FRMPD4: variants seen among roughly 807,000 people sequenced by gnomAD.
FRMPD4 encodes the protein FERM and PDZ domain-containing protein 4.
A neutral mutation model predicts 94.1 loss-of-function variants in FRMPD4; 22 were observed. That is an observed-to-expected ratio of 0.23 (90% CI 0.17 to 0.33). FRMPD4 has a LOEUF of 0.33. FRMPD4 is among the 10% of genes least tolerant of loss of function. FRMPD4 has a pLI of 1.00. For missense variants in FRMPD4, 1,111 were observed against 1,339.9 expected (o/e 0.83, Z 2.67); for synonymous variants, 631 against 548.6 (o/e 1.15, Z -2.10).
In FRMPD4 at chrX:12,003,386, A is replaced by AGTGTGTGTGTGTGT. The variant is rs34756228; in HGVS notation, c.95+125385_95+125398dup. ...CCCATTAACTTAATTCAGTTTGGCA[A>AGTGTGTGTGTGTGT]GTGTGTGTGTGTGTGTGTGTGTGTG... On this transcript the variant is annotated intron_variant, in intron 3 of 18. Transcript: ENST00000640291. Among the ~76,000 whole-genome samples, 6 of 102,198 alleles carry AGTGTGTGTGTGTGT rather than the reference A, an allele frequency of 5.9e-5. No individual in the cohort carries two copies. The East Asian group carries it at 1.6e-3, about 26-fold the overall frequency. The allele number at this position is 102,198 out of a possible 115,157, so 88.7% of individuals were successfully genotyped here.
intron 1 of FRMPD4, among the ~76,000 whole-genome samples, chrX:11,829,968 T>G (rs1450755558): frequency 8.9e-6 from 1 of 112,000 alleles, no homozygotes; most frequent in Non-Finnish European, 1.9e-5. Context: ...AGAATCAGGT[T>G]GGTGAGGACT....
intron 1 of FRMPD4, among the ~76,000 whole-genome samples, chrX:12,177,401 A>G (rs891753951): frequency 8.9e-6 from 1 of 112,621 alleles, no homozygotes; most frequent in African/African-American, 3.2e-5. Context: ...AGAAAAATGC[A>G]AGAGATAATT....
At chrX:12,528,523 G>A (rs919081411) in intron 2 of FRMPD4, among the ~76,000 whole-genome samples, 8 of 109,671 alleles carry the variant, frequency 7.3e-5, no homozygotes, top group Non-Finnish European at 1.1e-4. Flanking sequence ...GTTTCACCAC[G>A]TTGGCCAGGC....
At chrX:12,581,648 C>G (rs756716194) in intron 2 of FRMPD4, among the ~76,000 whole-genome samples, 31 of 111,737 alleles carry the variant, frequency 2.8e-4, no homozygotes, top group African/African-American at 1.0e-3. Flanking sequence ...TCTTACCAGG[C>G]CTCGTGTAGC....
intron 1 of FRMPD4, among the ~76,000 whole-genome samples, chrX:12,176,460 A>G (rs1221758862): frequency 8.9e-6 from 1 of 111,773 alleles, no homozygotes; most frequent in Non-Finnish European, 1.9e-5. Flanking sequence ...ATTTCCCCAA[A>G]TTTTATTTTC....
In FRMPD4 at chrX:12,232,339, C is replaced by T. The variant is rs1165639143; in HGVS notation, c.41+93327C>T. Among the ~76,000 whole-genome samples the T allele has an allele frequency of 4.5e-5, 5 of 111,577 alleles. No homozygotes were observed. The East Asian group carries it at 1.4e-3, about 31-fold the overall frequency. On this transcript the variant is annotated intron_variant, in intron 1 of 16. Coordinates refer to ENST00000675598, the MANE Select transcript of FRMPD4 (RefSeq NM_001368397.1). ...GGCCTCAGGAAACTTACAATCATAG[C>T]AGAAGGGGAAGCGAACACGTCCTTC...
chrX:11,843,978 C>CTTTTT (rs1193068056), intron 1 of FRMPD4, among the ~76,000 whole-genome samples: 6 of 61,407 alleles, frequency 9.8e-5, no homozygotes, highest in Admixed American at 2.1e-4. Flanking sequence ...GTTATGAATT[C>CTTTTT]TTTTTTTTTT....
intron 1 of FRMPD4, among the ~76,000 whole-genome samples, chrX:11,857,034 A>G (rs1427072699): frequency 8.9e-6 from 1 of 111,819 alleles, no homozygotes; most frequent in Non-Finnish European, 1.9e-5. Context: ...AGAGCTACAA[A>G]TGACCGCTCA....
chrX:12,309,259 GTTTGTCTTTGTGGGA>G (rs1174282055), intron 1 of FRMPD4, among the ~76,000 whole-genome samples: 2 of 111,493 alleles, frequency 1.8e-5, no homozygotes, highest in African/African-American at 6.5e-5. Context: ...GCCAAGTTCT[GTTTGTCTTTGTGGGA>G]TTTGTCTACA....
chrX:11,934,869 G>A (rs948938553), intron 3 of FRMPD4, among the ~76,000 whole-genome samples: 2 of 111,483 alleles, frequency 1.8e-5, no homozygotes, highest in Non-Finnish European at 3.8e-5. Flanking sequence ...AGATCGTTTT[G>A]TTGTTGTTGT....
intron 4 of FRMPD4, among the ~76,000 whole-genome samples, chrX:12,637,989 C>A (rs1452120833): frequency 1.8e-5 from 2 of 111,846 alleles, no homozygotes; most frequent in Non-Finnish European, 3.8e-5. Context: ...GCTTTGTTCT[C>A]TCCATCCTAT....
chrX:12,208,262 A>G (rs1416981615), intron 1 of FRMPD4, among the ~76,000 whole-genome samples: 3 of 110,919 alleles, frequency 2.7e-5, no homozygotes, highest in Non-Finnish European at 5.7e-5. Flanking sequence ...GGCAAATATA[A>G]CCTATAATCA....
At chrX:12,594,969 C>T (rs770712638) in intron 2 of FRMPD4, among the ~76,000 whole-genome samples, 1 of 112,010 alleles carries the variant, frequency 8.9e-6, no homozygotes, top group East Asian at 2.8e-4. Context: ...GTAAGAATAA[C>T]ACCCACCTCA....
intron 1 of FRMPD4, among the ~76,000 whole-genome samples, chrX:12,341,014 A>T (rs1433386880): frequency 9.0e-6 from 1 of 111,525 alleles, no homozygotes; most frequent in Non-Finnish European, 1.9e-5. Context: ...AAAATTACAA[A>T]CTTCACTTTA....
At chrX:12,683,443 T>C (rs760490363) in intron 5 of FRMPD4, 40 bp from the exon 6 acceptor site, 2 of 701,783 alleles carry the variant, frequency 2.8e-6, no homozygotes, top group African/African-American at 4.2e-5. Flanking sequence ...GTTTGCATTA[T>C]GTTACCAGTA....
chrX:12,580,068 A>C (rs886835704), intron 2 of FRMPD4, among the ~76,000 whole-genome samples: 9 of 112,317 alleles, frequency 8.0e-5, no homozygotes, highest in Non-Finnish European at 9.4e-5. Flanking sequence ...AAAATATTTA[A>C]ATACCACAAG....
At chrX:11,987,097 T>TGA (rs1569137639) in intron 3 of FRMPD4, among the ~76,000 whole-genome samples, 2 of 14,642 alleles carry the variant, frequency 1.4e-4, no homozygotes, top group Non-Finnish European at 2.2e-4. Context: ...CAAAGACACA[T>TGA]TAAAAAAAAA....
At chrX:11,897,795 A>G (rs779821188) in intron 3 of FRMPD4, among the ~76,000 whole-genome samples, 6 of 112,079 alleles carry the variant, frequency 5.4e-5, no homozygotes, top group Non-Finnish European at 9.4e-5. Flanking sequence ...GAAGACAGGT[A>G]TAACTAATGA....
chrX:11,855,017 G>A (rs2053646370), intron 1 of FRMPD4, among the ~76,000 whole-genome samples: 1 of 111,867 alleles, frequency 8.9e-6, no homozygotes, highest in South Asian at 3.7e-4. Flanking sequence ...GGACAACCGG[G>A]CATTTCCATA....
Sources: allele counts gnomAD v4.1 joint callset (sites outside exome capture counted in the v4.1 genomes callset), GRCh38; gene constraint gnomAD v4.1.1; transcripts MANE v1.5; gene names NCBI Gene and HGNC (gene_info 2026-07-23, HGNC 2026-07-21).